The following GALNT17 variants were observed in gnomAD, a reference collection of about 807,000 sequenced individuals.
GALNT17 encodes the protein polypeptide N-acetylgalactosaminyltransferase 17, also known as UDP-GalNAc:polypeptide N-acetylgalactosaminyltransferase-like 3.
Under a neutral mutation model 63.7 loss-of-function variants are expected in GALNT17, and 29 were observed. The ratio of observed to expected loss-of-function variants is 0.46; its 90% CI spans 0.34 to 0.62. GALNT17 has a LOEUF of 0.62. GALNT17 is among the 20% of genes least tolerant of loss of function. The probability of loss-of-function intolerance (pLI) is 0.01; values close to 1 mark genes in which losing one functional copy is unlikely to be tolerated. For synonymous variants in GALNT17, 305 were observed against 318.3 expected (o/e 0.96, Z 0.45); for missense variants, 603 against 799.6 (o/e 0.75, Z 2.97).
chr7:71,490,393 A>G (rs546494572), intron 5 of GALNT17, among the ~76,000 whole-genome samples: 26 of 152,286 alleles, frequency 1.7e-4, no homozygotes, highest in Non-Finnish European at 2.9e-4. Context: ...TTCTTAGGGT[A>G]TGCTCAAGTT....
Position 71,588,502 on chromosome 7 carries a change from A to G in GALNT17, c.1080+17100A>G, listed in dbSNP as rs183888145. ...GACTATTAGAGCTATATGGCATTGA[A>G]CAATTAAGTTCACTTTTGTTTTTTC... is the stretch of plus-strand genomic sequence containing the variant. On this transcript the variant is annotated intron_variant, in intron 6 of 10. Coordinates refer to ENST00000333538, the MANE Select transcript of GALNT17 (RefSeq NM_022479.3). Among the ~76,000 whole-genome samples the G allele has an allele frequency of 2.0e-5, 3 of 152,334 alleles. No individual in the cohort carries two copies. In the East Asian group the frequency reaches 5.8e-4, roughly 29 times the overall value.
At chr7:71,673,233 G>A (rs1282621608) in intron 8 of GALNT17, among the ~76,000 whole-genome samples, 2 of 152,166 alleles carry the variant, frequency 1.3e-5, no homozygotes, top group African/African-American at 2.4e-5. Flanking sequence ...AGATTTGAGA[G>A]TAAAATTGTT....
At chr7:71,375,370 T>C (rs1428258420) in intron 2 of GALNT17, among the ~76,000 whole-genome samples, 1 of 152,104 alleles carries the variant, frequency 6.6e-6, no homozygotes, top group East Asian at 1.9e-4. Flanking sequence ...TTTGGAGCTC[T>C]GTAAAGGGCC....
chr7:71,542,083 C>G (rs1788901982), intron 5 of GALNT17, among the ~76,000 whole-genome samples: 2 of 152,146 alleles, frequency 1.3e-5, no homozygotes, highest in African/African-American at 4.8e-5. Flanking sequence ...GTTTTTACAG[C>G]AGGGGAACCG....
intron 1 of GALNT17, among the ~76,000 whole-genome samples, chr7:71,144,239 T>C (rs1449110500): frequency 6.6e-6 from 1 of 152,048 alleles, no homozygotes; most frequent in East Asian, 1.9e-4. Context: ...GAAATCCCCT[T>C]GTCAGCTCCT....
At chr7:71,594,021 C>CT (rs1211162346) in intron 6 of GALNT17, among the ~76,000 whole-genome samples, 5 of 2,706 alleles carry the variant, frequency 1.8e-3, no homozygotes, top group African/African-American at 3.9e-3. Flanking sequence ...GAAAAGCTAT[C>CT]ATTTTTTTTT....
chr7:71,662,994 T>A (rs544539669), intron 6 of GALNT17, among the ~76,000 whole-genome samples: 46 of 152,214 alleles, frequency 3.0e-4, no homozygotes, highest in Non-Finnish European at 6.2e-4. Context: ...ACACCCTTGT[T>A]GAAAGTTAGT....
At chr7:71,269,382 A>G (rs1374473001) in intron 1 of GALNT17, among the ~76,000 whole-genome samples, 9 of 152,152 alleles carry the variant, frequency 5.9e-5, no homozygotes, top group Admixed American at 5.9e-4. Flanking sequence ...TGGGAGGATC[A>G]TTTGAGCCCA....
intron 6 of GALNT17, among the ~76,000 whole-genome samples, chr7:71,598,085 A>G (rs148725791): frequency 0.017 from 2,586 of 152,108 alleles, 25 homozygotes; most frequent in Middle Eastern, 0.065. Flanking sequence ...CTGGGACTAC[A>G]GGCGCACGCC....
At chr7:71,445,815 C>A (rs1787151686) in intron 5 of GALNT17, among the ~76,000 whole-genome samples, 1 of 151,896 alleles carries the variant, frequency 6.6e-6, no homozygotes, top group African/African-American at 2.4e-5. Flanking sequence ...CTGGAGTGCT[C>A]CTTAATGCCT....
At chr7:71,645,388 A>G (rs1414350360) in intron 6 of GALNT17, among the ~76,000 whole-genome samples, 3 of 152,132 alleles carry the variant, frequency 2.0e-5, no homozygotes, top group Non-Finnish European at 4.4e-5. Flanking sequence ...GAGTTCTCAC[A>G]AGATCTGATG....
intron 6 of GALNT17, among the ~76,000 whole-genome samples, chr7:71,608,083 G>C (rs554732905): frequency 6.6e-6 from 1 of 152,218 alleles, no homozygotes; most frequent in Non-Finnish European, 1.5e-5. Flanking sequence ...CCCATATTCT[G>C]TTTTCCCCAG....
At chr7:71,251,300 C>T (rs986302545) in intron 1 of GALNT17, among the ~76,000 whole-genome samples, 4 of 152,106 alleles carry the variant, frequency 2.6e-5, no homozygotes, top group Non-Finnish European at 5.9e-5. Flanking sequence ...ATTACAGATA[C>T]TTGCCTTCTA....
chr7:71,496,690 G>A (rs1320039124), intron 5 of GALNT17, among the ~76,000 whole-genome samples: 1 of 151,962 alleles, frequency 6.6e-6, no homozygotes, highest in Non-Finnish European at 1.5e-5. Context: ...CCCTGAGGAA[G>A]CATAAGAGCC....
chr7:71,215,090 A>G (rs1186394235), intron 1 of GALNT17, among the ~76,000 whole-genome samples: 3 of 152,304 alleles, frequency 2.0e-5, no homozygotes, highest in Non-Finnish European at 4.4e-5. Context: ...TTTAAACCCC[A>G]GTGTAACCTT....
intron 6 of GALNT17, among the ~76,000 whole-genome samples, chr7:71,606,688 C>A (rs952305857): frequency 6.6e-6 from 1 of 152,098 alleles, no homozygotes; most frequent in African/African-American, 2.4e-5. Context: ...CTTAGGAGGT[C>A]CTTGGTTTCG....
At chr7:71,560,486 C>T (rs1412973134) in intron 5 of GALNT17, among the ~76,000 whole-genome samples, 5 of 152,134 alleles carry the variant, frequency 3.3e-5, no homozygotes, top group Non-Finnish European at 7.3e-5. Flanking sequence ...TCCTCCAAAG[C>T]AGTGTCTCCC....
intron 5 of GALNT17, among the ~76,000 whole-genome samples, chr7:71,492,178 C>T (rs1788022402): frequency 6.6e-6 from 1 of 152,134 alleles, no homozygotes; most frequent in African/African-American, 2.4e-5. Context: ...ACTCGGGAGG[C>T]TGAGATAGGA....
At chr7:71,257,867 A>G (rs1790315940) in intron 1 of GALNT17, among the ~76,000 whole-genome samples, 1 of 152,224 alleles carries the variant, frequency 6.6e-6, no homozygotes, top group Admixed American at 6.5e-5. Flanking sequence ...CCTGGATTCT[A>G]CGAATCACTG....
Sources: gnomAD v4.1 joint callset for allele counts (sites outside exome capture counted in the v4.1 genomes callset) on GRCh38, gnomAD v4.1.1 for gene constraint, MANE v1.5 for transcripts, NCBI Gene and HGNC (gene_info 2026-07-23, HGNC 2026-07-21) for gene names.